TBK1: variants seen among roughly 807,000 people sequenced by gnomAD.
TBK1 encodes serine/threonine-protein kinase TBK1.
TBK1 carries 37 observed loss-of-function variants against 99.9 expected under a neutral mutation model. The observed-to-expected ratio is 0.37, with a 90% confidence interval of 0.28 to 0.49. The LOEUF (loss-of-function observed/expected upper bound fraction) is 0.49. Ranked by LOEUF, TBK1 falls within the 20% of genes least tolerant of loss-of-function variation. The pLI, the probability that TBK1 is intolerant of heterozygous loss-of-function variation, is 0.98. For synonymous variants in TBK1, 258 were observed against 279.8 expected (o/e 0.92, Z 0.78); for missense variants, 644 against 872.5 (o/e 0.74, Z 3.30).
At chr12:64,454,991 CTT>C (rs55853717) in intron 1 of TBK1, among the ~76,000 whole-genome samples, 103 of 107,520 alleles carry the variant, frequency 9.6e-4, no homozygotes, top group African/African-American at 1.1e-3. Context: ...TTTTTTTTTT[CTT>C]TTTTTTTTTT....
In TBK1 at chr12:64,497,613, GT is replaced by G. The variant is rs774616946; in HGVS notation, c.1960-28del. 125 of 1,217,022 alleles carry G rather than the reference GT, an allele frequency of 1.0e-4. No homozygotes were observed. In the African/African-American group the frequency reaches 1.7e-3, roughly 16 times the overall value. 75.4% of individuals were successfully genotyped at this position (1,217,022 alleles called of 1,614,324 possible). On this transcript the variant is annotated intron_variant, in intron 18 of 20. Transcript: ENST00000331710. ...ACTTTTGTTCTGTGATTAATGTGGG[GT>G]TTTTTTCTTTTTTTTTTTTTTTTGA... is the stretch of plus-strand genomic sequence containing the variant.
At chr12:64,453,487 A>G (rs1378818212) in intron 1 of TBK1, among the ~76,000 whole-genome samples, 2 of 152,162 alleles carry the variant, frequency 1.3e-5, no homozygotes, top group Non-Finnish European at 2.9e-5. Flanking sequence ...CTTATTTCCT[A>G]TAGTCGTATA....
At chr12:64,461,978 A>G (rs1565812742) in intron 3 of TBK1, among the ~76,000 whole-genome samples, 1 of 152,216 alleles carries the variant, frequency 6.6e-6, no homozygotes, top group Non-Finnish European at 1.5e-5. Context: ...GACAGTATGC[A>G]TGAAGTATTG....
intron 1 of TBK1, among the ~76,000 whole-genome samples, chr12:64,453,074 T>C (rs1269572108): frequency 1.3e-5 from 2 of 152,186 alleles, no homozygotes; most frequent in Non-Finnish European, 2.9e-5. Context: ...AGCAACATAG[T>C]TGTTGAGTGT....
intron 11 of TBK1, among the ~76,000 whole-genome samples, chr12:64,486,447 T>G (rs572612884): frequency 6.6e-6 from 1 of 152,202 alleles, no homozygotes; most frequent in African/African-American, 2.4e-5. Context: ...TTTTTTTTTT[T>G]TCTTTTTGAG....
intron 8 of TBK1, among the ~76,000 whole-genome samples, chr12:64,482,781 T>A (rs1013942533): frequency 3.3e-5 from 5 of 152,174 alleles, no homozygotes; most frequent in African/African-American, 9.7e-5. Flanking sequence ...ATAGCCTAGG[T>A]GTGTAGAAGG....
chr12:64,481,729 C>A, intron 7 of TBK1, 113 bp from the exon 8 acceptor site: 1 of 732,512 alleles, frequency 1.4e-6, no homozygotes. Flanking sequence ...TTAAATTAAT[C>A]TAATATAGTA....
Position 64,488,472 on chromosome 12 carries a change from AT to A in TBK1, c.1341-11del, listed in dbSNP as rs768974311. 7 of 1,484,372 alleles carry A rather than the reference AT, an allele frequency of 4.7e-6. No homozygotes were observed. The highest frequency in any genetic ancestry group is 6.4e-6 in the Non-Finnish European group (7 of 1,097,624). The allele number at this position is 1,484,372 out of a possible 1,614,324, so 92.0% of individuals were successfully genotyped here. ...CTCCTTAGATAAACTAATTAGAATA[AT>A]TTTCTTTTTTTAGTGAATTAATTAA... is the stretch of plus-strand genomic sequence containing the variant. On this transcript the variant is annotated splice_polypyrimidine_tract_variant and intron_variant, in intron 11 of 20. Coordinates refer to ENST00000331710, the MANE Select transcript of TBK1 (RefSeq NM_013254.4).
At chr12:64,459,523 C>A (rs887864685) in intron 2 of TBK1, among the ~76,000 whole-genome samples, 3 of 152,050 alleles carry the variant, frequency 2.0e-5, no homozygotes, top group Non-Finnish European at 4.4e-5. Flanking sequence ...AAATAAATGC[C>A]TTTACTCCTC....
chr12:64,453,668 C>G (rs1176799975), intron 1 of TBK1, among the ~76,000 whole-genome samples: 3 of 152,112 alleles, frequency 2.0e-5, no homozygotes, highest in Non-Finnish European at 4.4e-5. Context: ...CTACTTTTTG[C>G]TTTAACTTAC....
At chr12:64,459,681 G>A (rs1049685812) in intron 2 of TBK1, among the ~76,000 whole-genome samples, 12 of 152,204 alleles carry the variant, frequency 7.9e-5, no homozygotes, top group East Asian at 7.7e-4. Flanking sequence ...CCTCCCCCAC[G>A]TTGTCCTAGC....
intron 20 of TBK1, among the ~76,000 whole-genome samples, chr12:64,498,947 C>A (rs1429015478): frequency 4.8e-5 from 7 of 144,392 alleles, no homozygotes; most frequent in East Asian, 2.1e-4. Context: ...CAGAGTGAGA[C>A]CCTGTTTCAA....
At chr12:64,460,370 G>A (rs746029691) in intron 3 of TBK1, 41 bp downstream of exon 3, 11 of 1,430,420 alleles carry the variant, frequency 7.7e-6, no homozygotes, top group Middle Eastern at 2.4e-4. Context: ...TTGTAGTTAC[G>A]AGTCAAGAAA....
Position 64,497,740 on chromosome 12 carries a change from A to G in TBK1, c.2052A>G (p.Val684=). ...TTTATCCAAGTTCTAACACATTAGT[A>G]GAAATGACTCTTGGGTAAGAAACTC... ...TPIYPSSNTL[V]EMTLGMKKLK... is the part of the protein sequence containing the mutation. The change falls in exon 19 of 21, where the codon GTA becomes GTG. Residue 684 remains valine, a synonymous_variant. Coordinates refer to ENST00000331710, the MANE Select transcript of TBK1 (RefSeq NM_013254.4). 1 of 1,602,032 alleles carries G rather than the reference A, an allele frequency of 6.2e-7. No homozygotes were observed. Among genetic ancestry groups the G allele is most frequent in the Middle Eastern group, 1.7e-4 (1 of 6,006 alleles).
intron 13 of TBK1, among the ~76,000 whole-genome samples, chr12:64,490,657 G>T (rs1288362178): frequency 3.3e-5 from 5 of 152,056 alleles, no homozygotes; most frequent in African/African-American, 9.7e-5. Flanking sequence ...TTTAAATTAG[G>T]CTGGGCGCGG....
rs182230804 is a variant in TBK1 at position 64,493,072 on chromosome 12, T to A, written c.1522-2411T>A. On this transcript the variant is annotated intron_variant, in intron 13 of 20. Coordinates refer to ENST00000331710, the MANE Select transcript of TBK1 (RefSeq NM_013254.4). ...CACCAGGCCCGGCTAATTTTTGCAT[T>A]TTTAGTAGAGACGGGGTTTCACCGT... Among the ~76,000 whole-genome samples, 81 of 151,990 alleles carry A rather than the reference T, an allele frequency of 5.3e-4. No individual in the cohort carries two copies. In the Middle Eastern group the frequency reaches 0.01, roughly 19 times the overall value.
chr12:64,492,597 T>C (rs2040880638), intron 13 of TBK1, among the ~76,000 whole-genome samples: 1 of 152,096 alleles, frequency 6.6e-6, no homozygotes, highest in Non-Finnish European at 1.5e-5. Flanking sequence ...TGAGCCACCT[T>C]GCCTAGCCAA....
intron 8 of TBK1, among the ~76,000 whole-genome samples, chr12:64,483,248 C>T (rs2040785310): frequency 6.6e-6 from 1 of 152,196 alleles, no homozygotes; most frequent in Admixed American, 6.5e-5. Context: ...TGTAACAAAA[C>T]ATCTCATGTA....
At chr12:64,462,452 A>G (rs1207895469) in intron 3 of TBK1, among the ~76,000 whole-genome samples, 12 of 152,228 alleles carry the variant, frequency 7.9e-5, no homozygotes, top group Admixed American at 7.2e-4. Context: ...TTATGTATCT[A>G]TGACATTATT....
Sources: gnomAD v4.1 joint callset for allele counts (sites outside exome capture counted in the v4.1 genomes callset) on GRCh38, gnomAD v4.1.1 for gene constraint, MANE v1.5 for transcripts, NCBI Gene and HGNC (gene_info 2026-07-23, HGNC 2026-07-21) for gene names.